Variants in PTPRK observed in about 807,000 individuals in gnomAD.
PTPRK encodes the protein receptor-type tyrosine-protein phosphatase kappa.
In PTPRK, 75 loss-of-function variants were observed where a neutral mutation model predicts 178.0. That is an observed-to-expected ratio of 0.42 (90% CI 0.35 to 0.51). The LOEUF (loss-of-function observed/expected upper bound fraction) is 0.51. Among genes scored for constraint, PTPRK ranks in the 20% least tolerant of loss-of-function variants. The pLI, the probability that PTPRK is intolerant of heterozygous loss-of-function variation, is 0.02. For synonymous variants in PTPRK, 637 were observed against 620.6 expected, an observed-to-expected ratio of 1.03 and a Z score of -0.39; for missense variants, 1,441 against 1,797.8, an observed-to-expected ratio of 0.80 and a Z score of 3.59.
intron 1 of PTPRK, among the ~76,000 whole-genome samples, chr6:128,400,264 A>G (rs1840852636): frequency 6.6e-6 from 1 of 152,164 alleles, no homozygotes. Flanking sequence ...CTCATAGTGA[A>G]TATGAGGAAG....
At chr6:128,485,718 A>C (rs1054896513) in intron 1 of PTPRK, among the ~76,000 whole-genome samples, 1 of 152,162 alleles carries the variant, frequency 6.6e-6, no homozygotes, top group Admixed American at 6.5e-5. Context: ...ACCACCAAAG[A>C]AAGGATTTCG....
chr6:128,131,931 A>T (rs1794308445), intron 7 of PTPRK, among the ~76,000 whole-genome samples: 2 of 152,174 alleles, frequency 1.3e-5, no homozygotes, highest in Non-Finnish European at 2.9e-5. Flanking sequence ...ACTGGTTAAT[A>T]GTTTGTTTAT....
At chr6:128,199,181 T>C (rs986736781) in intron 6 of PTPRK, among the ~76,000 whole-genome samples, 2 of 152,212 alleles carry the variant, frequency 1.3e-5, no homozygotes, top group Non-Finnish European at 2.9e-5. Flanking sequence ...ATTCAAATAC[T>C]GCTATTGTAA....
chr6:128,136,149 C>A (rs1384049943), intron 7 of PTPRK, among the ~76,000 whole-genome samples: 1 of 152,102 alleles, frequency 6.6e-6, no homozygotes, highest in Non-Finnish European at 1.5e-5. Context: ...GATAAAGTGG[C>A]CATCTGCAAG....
At chr6:128,503,842 TTGTGTGTG>T (rs57723685) in intron 1 of PTPRK, among the ~76,000 whole-genome samples, 19,857 of 139,888 alleles carry the variant, frequency 0.14, 1,558 homozygotes, top group Non-Finnish European at 0.19. Context: ...CTGGTTATTA[TTGTGTGTG>T]TGTGTGTGTG....
At chr6:128,078,602 G>T (rs1784260875) in intron 11 of PTPRK, among the ~76,000 whole-genome samples, 1 of 151,850 alleles carries the variant, frequency 6.6e-6, no homozygotes, top group Non-Finnish European at 1.5e-5. Flanking sequence ...ATACATAGTT[G>T]TTCTATTTTA....
intron 7 of PTPRK, among the ~76,000 whole-genome samples, chr6:128,183,587 T>C (rs887380229): frequency 2.6e-5 from 4 of 152,270 alleles, no homozygotes; most frequent in African/African-American, 9.6e-5. Flanking sequence ...GCTTGGATGG[T>C]AGCTCAGTAC....
intron 1 of PTPRK, among the ~76,000 whole-genome samples, chr6:128,442,242 T>A (rs1846372664): frequency 6.6e-6 from 1 of 152,192 alleles, no homozygotes; most frequent in African/African-American, 2.4e-5. Flanking sequence ...TCAGGTTAAA[T>A]TCTTCTAGCC....
intron 7 of PTPRK, among the ~76,000 whole-genome samples, chr6:128,154,909 A>C (rs868827924): frequency 6.6e-6 from 1 of 151,856 alleles, no homozygotes; most frequent in East Asian, 1.9e-4. Context: ...TAACTATATT[A>C]GTTGATTTGT....
rs745568192 is a variant in PTPRK, at chr6:127,995,553, T to C, written c.2768-15A>G. ...GGAGTGATCATCTAAAATTTTAAAATAATAAATATAAGCTGTTAAATTTTC... is the reference window on the plus strand; with the variant it reads ...GGAGTGATCATCTAAAATTTTAAAACAATAAATATAAGCTGTTAAATTTTC... On this transcript the variant is annotated splice_polypyrimidine_tract_variant and intron_variant, in intron 17 of 29. Coordinates refer to ENST00000368226, the MANE Select transcript of PTPRK (RefSeq NM_002844.4). 3 of 1,488,554 alleles carry C rather than the reference T, an allele frequency of 2.0e-6. No individual in the cohort carries two copies. The highest frequency in any genetic ancestry group is 2.3e-5 in the East Asian group (1 of 43,202). 92.2% of individuals were successfully genotyped at this position (1,488,554 alleles called of 1,614,324 possible).
intron 7 of PTPRK, among the ~76,000 whole-genome samples, chr6:128,162,224 AC>A (rs1798809136): frequency 6.6e-6 from 1 of 151,710 alleles, no homozygotes. Flanking sequence ...ATTATTCAAG[AC>A]ATAAATCTTA....
chr6:128,124,084 C>T (rs113046820), intron 7 of PTPRK, among the ~76,000 whole-genome samples: 3,865 of 151,248 alleles, frequency 0.026, 72 homozygotes, highest in Middle Eastern at 0.092. Context: ...CAGTCTGTCA[C>T]CCAGGCTGAA....
chr6:128,108,987 T>C (rs1583043059), intron 7 of PTPRK, among the ~76,000 whole-genome samples: 1 of 152,282 alleles, frequency 6.6e-6, no homozygotes, highest in South Asian at 2.1e-4. Flanking sequence ...AAATGCCATC[T>C]CAATGGAGTA....
At chr6:128,039,648 GCAA>G (rs1269561057) in intron 13 of PTPRK, among the ~76,000 whole-genome samples, 1 of 152,118 alleles carries the variant, frequency 6.6e-6, no homozygotes, top group Non-Finnish European at 1.5e-5. Context: ...GAAAAGTGAA[GCAA>G]CTTCTTCCAA....
At chr6:128,167,013 G>GA (rs1799504127) in intron 7 of PTPRK, among the ~76,000 whole-genome samples, 1 of 151,152 alleles carries the variant, frequency 6.6e-6, no homozygotes, top group Non-Finnish European at 1.5e-5. Context: ...AGCACTTCTG[G>GA]AAAAATATTC....
At chr6:128,442,708 A>G (rs1846435812) in intron 1 of PTPRK, among the ~76,000 whole-genome samples, 1 of 152,228 alleles carries the variant, frequency 6.6e-6, no homozygotes, top group Non-Finnish European at 1.5e-5. Flanking sequence ...CTTGTGCAAA[A>G]ATGGTAGTAC....
intron 3 of PTPRK, among the ~76,000 whole-genome samples, chr6:128,300,362 C>T (rs1825364832): frequency 6.6e-6 from 1 of 151,898 alleles, no homozygotes; most frequent in African/African-American, 2.4e-5. Flanking sequence ...CCCAGCCATC[C>T]CATTACTGGG....
At chr6:128,432,414 G>A (rs914685590) in intron 1 of PTPRK, among the ~76,000 whole-genome samples, 1 of 152,110 alleles carries the variant, frequency 6.6e-6, no homozygotes. Flanking sequence ...CTAAACAAAT[G>A]TACATTTTTC....
chr6:128,476,665 C>A (rs146466828), intron 1 of PTPRK, among the ~76,000 whole-genome samples: 3 of 151,954 alleles, frequency 2.0e-5, no homozygotes, highest in Non-Finnish European at 2.9e-5. Flanking sequence ...ACTCTTTTTA[C>A]TGTGGCTGAG....
Sources: allele counts gnomAD v4.1 joint callset (sites outside exome capture counted in the v4.1 genomes callset), GRCh38; gene constraint gnomAD v4.1.1; transcripts MANE v1.5; gene names NCBI Gene and HGNC (gene_info 2026-07-23, HGNC 2026-07-21).